DKK3: variants seen among roughly 807,000 people sequenced by gnomAD.
DKK3 encodes the protein dickkopf Wnt signaling pathway inhibitor 3.
DKK3 carries 22 observed loss-of-function variants against 33.2 expected under a neutral mutation model. The ratio of observed to expected loss-of-function variants is 0.66; its 90% CI spans 0.47 to 0.95. The LOEUF (loss-of-function observed/expected upper bound fraction) is 0.95, where lower values mean the gene tolerates loss of function less well. DKK3 is among the 40% of genes least tolerant of loss of function. DKK3 has a pLI of 0.00. For synonymous variants in DKK3, 194 were observed against 188.8 expected (o/e 1.03, Z -0.23); for missense variants, 398 against 458.4 (o/e 0.87, Z 1.20).
chr11:11,996,944 A>G (rs1848307642), intron 3 of DKK3, among the ~76,000 whole-genome samples: 1 of 152,252 alleles, frequency 6.6e-6, no homozygotes, highest in South Asian at 2.1e-4. Context: ...GGGAAAAGTG[A>G]CGCACAGCAC....
At chr11:11,982,759 G>C (rs952765269) in intron 3 of DKK3, among the ~76,000 whole-genome samples, 4 of 152,172 alleles carry the variant, frequency 2.6e-5, no homozygotes, top group African/African-American at 9.7e-5. Flanking sequence ...GTCCATACAG[G>C]GCCTCCTGGG....
chr11:12,000,216 G>A (rs1157489970), intron 2 of DKK3, among the ~76,000 whole-genome samples: 1 of 141,484 alleles, frequency 7.1e-6, no homozygotes, highest in African/African-American at 2.7e-5. Context: ...TTGTTTGTTT[G>A]TCTTTTGACA....
intron 3 of DKK3, among the ~76,000 whole-genome samples, chr11:11,981,989 C>T (rs1431332221): frequency 3.9e-5 from 6 of 152,150 alleles, no homozygotes; most frequent in African/African-American, 1.4e-4. Flanking sequence ...GGATCAGCTG[C>T]TGCAGGTGCT....
chr11:11,987,497 C>T (rs939820440), intron 3 of DKK3, among the ~76,000 whole-genome samples: 4 of 152,188 alleles, frequency 2.6e-5, no homozygotes, highest in African/African-American at 7.2e-5. Flanking sequence ...CAAGGATAGT[C>T]CTTTCCCAAC....
intron 4 of DKK3, among the ~76,000 whole-genome samples, chr11:11,968,105 G>A (rs1007054111): frequency 2.6e-5 from 4 of 151,940 alleles, no homozygotes; most frequent in Non-Finnish European, 5.9e-5. Context: ...GTGTAGCCAC[G>A]GTGCCTGGCC....
intron 3 of DKK3, among the ~76,000 whole-genome samples, chr11:11,985,171 C>T (rs1466090315): frequency 6.6e-6 from 1 of 152,138 alleles, no homozygotes; most frequent in Non-Finnish European, 1.5e-5. Flanking sequence ...CCCCAGAAAC[C>T]CTGGAGCCGC....
intron 2 of DKK3, among the ~76,000 whole-genome samples, chr11:12,000,826 G>T (rs1025228628): frequency 1.3e-5 from 2 of 152,042 alleles, no homozygotes; most frequent in African/African-American, 4.8e-5. Context: ...GCCGAAGATT[G>T]GTGTTCTATG....
At chr11:12,007,393 C>A (rs7119974) in intron 1 of DKK3, among the ~76,000 whole-genome samples, 1,776 of 152,282 alleles carry the variant, frequency 0.012, 39 homozygotes, top group African/African-American at 0.039. Flanking sequence ...TTGGGCCCAA[C>A]AGCGCCCTCG....
Position 11,963,709 on chromosome 11 carries a change from G to T in DKK3, c.*755C>A, listed in dbSNP as rs1349157852. 6.6e-6 allele frequency: 1 copy of T among 152,220 alleles called. No individual in the cohort carries two copies. The highest frequency in any genetic ancestry group is 1.5e-5 in the Non-Finnish European group (1 of 68,054). 9.4% of individuals were successfully genotyped at this position (152,220 alleles called of 1,614,324 possible). ...TTTGGTGGCACCAAGGCTGGTGTGGGGTAGTGGAGAGAGCACTGAGCTTAG... is the reference window on the plus strand; with the variant it reads ...TTTGGTGGCACCAAGGCTGGTGTGGTGTAGTGGAGAGAGCACTGAGCTTAG... On this transcript the variant is annotated 3_prime_UTR_variant, in exon 7 of 7. Transcript: ENST00000683431.
At chr11:11,991,451 G>A (rs529128371) in intron 3 of DKK3, among the ~76,000 whole-genome samples, 1 of 152,214 alleles carries the variant, frequency 6.6e-6, no homozygotes, top group East Asian at 1.9e-4. Flanking sequence ...TGGACATAGT[G>A]GCTCATGCCT....
chr11:12,007,594 A>C (rs1194905529), intron 1 of DKK3, among the ~76,000 whole-genome samples: 1 of 152,236 alleles, frequency 6.6e-6, no homozygotes, highest in Non-Finnish European at 1.5e-5. Flanking sequence ...TTGCTAAGGT[A>C]CGTGGTATCT....
chr11:11,980,266 T>C (rs1426684241), intron 3 of DKK3, among the ~76,000 whole-genome samples: 2 of 152,232 alleles, frequency 1.3e-5, no homozygotes, highest in East Asian at 3.9e-4. Context: ...GCTTTTGGTT[T>C]ACACATTAGT....
At chr11:11,970,792 G>A (rs2135002984) in intron 3 of DKK3, among the ~76,000 whole-genome samples, 1 of 152,342 alleles carries the variant, frequency 6.6e-6, no homozygotes, top group African/African-American at 2.4e-5. Flanking sequence ...CCAAGGAGCA[G>A]AATCTCTCTT....
chr11:11,988,921 A>G (rs1848129544), intron 3 of DKK3, among the ~76,000 whole-genome samples: 1 of 152,236 alleles, frequency 6.6e-6, no homozygotes, highest in South Asian at 2.1e-4. Flanking sequence ...TGGCTGCCAC[A>G]CTGCAGAGGC....
chr11:11,982,331 C>A (rs1194018054), intron 3 of DKK3, among the ~76,000 whole-genome samples: 1 of 152,060 alleles, frequency 6.6e-6, no homozygotes, highest in Admixed American at 6.6e-5. Context: ...CACGTCAGGT[C>A]TCCTAGGAGT....
At chr11:12,004,359 G>C (rs915445182) in intron 1 of DKK3, among the ~76,000 whole-genome samples, 2 of 152,156 alleles carry the variant, frequency 1.3e-5, no homozygotes, top group Non-Finnish European at 2.9e-5. Flanking sequence ...ATAATATAAA[G>C]AGTAGATCAG....
At chr11:11,989,136 T>C (rs914703032) in intron 3 of DKK3, among the ~76,000 whole-genome samples, 3 of 152,208 alleles carry the variant, frequency 2.0e-5, no homozygotes, top group African/African-American at 7.2e-5. Context: ...TGGAAAACAG[T>C]ATGGTGTTTC....
chr11:11,977,527 C>A (rs1847858634), intron 3 of DKK3, among the ~76,000 whole-genome samples: 1 of 152,182 alleles, frequency 6.6e-6, no homozygotes, highest in African/African-American at 2.4e-5. Flanking sequence ...CTCTACTCAT[C>A]CAAGTGCCTG....
At chr11:11,973,302 T>G (rs1847763534) in intron 3 of DKK3, among the ~76,000 whole-genome samples, 1 of 152,186 alleles carries the variant, frequency 6.6e-6, no homozygotes, top group African/African-American at 2.4e-5. Context: ...CACTTTTCAT[T>G]TCCTGCTGGG....
Sources: gnomAD v4.1 joint callset for allele counts (sites outside exome capture counted in the v4.1 genomes callset) on GRCh38, gnomAD v4.1.1 for gene constraint, MANE v1.5 for transcripts, NCBI Gene and HGNC (gene_info 2026-07-23, HGNC 2026-07-21) for gene names.